PPP2R2A: variants seen among roughly 807,000 people sequenced by gnomAD.
The protein encoded by PPP2R2A is serine/threonine-protein phosphatase 2A 55 kDa regulatory subunit B alpha isoform.
A neutral mutation model predicts 53.2 loss-of-function variants in PPP2R2A; 9 were observed. The ratio of observed to expected loss-of-function variants is 0.17; its 90% CI spans 0.10 to 0.30. PPP2R2A has a LOEUF of 0.30. Ranked by LOEUF, PPP2R2A falls within the 10% of genes least tolerant of loss-of-function variation. PPP2R2A has a pLI of 1.00. For synonymous variants in PPP2R2A, 169 were observed against 174.2 expected, an observed-to-expected ratio of 0.97 and a Z score of 0.23; for missense variants, 235 against 534.6, an observed-to-expected ratio of 0.44 and a Z score of 5.53.
chr8:26,350,597 A>G (rs1804447400), intron 3 of PPP2R2A: 1 of 151,430 alleles, frequency 6.6e-6, no homozygotes, highest in African/African-American at 2.4e-5. Flanking sequence ...TTTTTTTGGT[A>G]GGGATGGTCT....
intron 3 of PPP2R2A, among the ~76,000 whole-genome samples, chr8:26,345,536 G>A (rs556032354): frequency 6.6e-6 from 1 of 152,128 alleles, no homozygotes; most frequent in Non-Finnish European, 1.5e-5. Context: ...CTCACATACT[G>A]TATAGTGAAT....
intron 2 of PPP2R2A, among the ~76,000 whole-genome samples, chr8:26,314,466 TC>T (rs147268031): frequency 0.039 from 5,981 of 152,180 alleles, 178 homozygotes; most frequent in South Asian, 0.12. Flanking sequence ...CACATCTTTT[TC>T]TTTCTTGTTT....
At chr8:26,313,270 G>C (rs1373490376) in intron 2 of PPP2R2A, among the ~76,000 whole-genome samples, 3 of 151,994 alleles carry the variant, frequency 2.0e-5, no homozygotes, top group Admixed American at 2.0e-4. Context: ...CCTGACCTCA[G>C]GTGGTTTGCC....
rs575372384 is a variant in PPP2R2A at position 26,371,647 on chromosome 8, T to A, written c.*1234T>A. On this transcript the variant is annotated 3_prime_UTR_variant, in exon 10 of 10. Coordinates refer to ENST00000380737, the MANE Select transcript of PPP2R2A (RefSeq NM_002717.4). ...GTATTTTACTGCTATCAAATCAGAA[T>A]GAAATATACTTTACCATAGATATTT... 6.6e-6 allele frequency: 1 copy of A among 152,346 alleles called. No homozygotes were observed. The highest frequency in any genetic ancestry group is 2.4e-5 in the African/African-American group (1 of 41,592). The allele number at this position is 152,346 out of a possible 1,614,324, so 9.4% of individuals were successfully genotyped here.
intron 2 of PPP2R2A, among the ~76,000 whole-genome samples, chr8:26,298,322 G>A (rs1175396287): frequency 6.6e-6 from 1 of 152,194 alleles, no homozygotes; most frequent in African/African-American, 2.4e-5. Flanking sequence ...CATCTCCTAA[G>A]AGCAGTTGTT....
intron 2 of PPP2R2A, among the ~76,000 whole-genome samples, chr8:26,297,426 A>G (rs1801591456): frequency 1.3e-5 from 2 of 152,210 alleles, no homozygotes; most frequent in Admixed American, 1.3e-4. Context: ...ACTGGTAATT[A>G]ATACTACTGG....
intron 3 of PPP2R2A, among the ~76,000 whole-genome samples, chr8:26,352,826 T>C (rs1585395791): frequency 6.6e-6 from 1 of 152,210 alleles, no homozygotes; most frequent in Non-Finnish European, 1.5e-5. Flanking sequence ...TGGCTCGCCC[T>C]TGGCCCTTCA....
At chr8:26,327,710 C>G (rs538348276) in intron 2 of PPP2R2A, among the ~76,000 whole-genome samples, 11 of 152,220 alleles carry the variant, frequency 7.2e-5, no homozygotes, top group Admixed American at 5.2e-4. Flanking sequence ...GATGTATTAT[C>G]CAGTAAAATG....
chr8:26,320,994 AACAG>A (rs1223745137), intron 2 of PPP2R2A, among the ~76,000 whole-genome samples: 2 of 152,228 alleles, frequency 1.3e-5, no homozygotes, highest in Non-Finnish European at 2.9e-5. Flanking sequence ...CATGTGTTAA[AACAG>A]ACAGATGACA....
rs778789406 is a variant in PPP2R2A, at chr8:26,366,343, G to C, written c.1001G>C (p.Cys334Ser). 2.5e-6 allele frequency: 4 copies of C among 1,604,886 alleles called. No individual in the cohort carries two copies. Among genetic ancestry groups the C allele is most frequent in the Non-Finnish European group, 2.5e-6 (3 of 1,177,012 alleles). Residue 334 changes from cysteine to serine, a missense_variant, in exon 9 of 10, where the codon TGT (cysteine) becomes TCT (serine). Cys to Ser is a moderately radical substitution (Grantham distance 112, BLOSUM62 -1). Coordinates refer to ENST00000380737, the MANE Select transcript of PPP2R2A (RefSeq NM_002717.4). ...QVHEYLRSKL[C>S]SLYENDCIFD... Reference sequence around the variant, plus strand: ...CATGAATACCTCAGAAGTAAACTCTGTTCACTGTATGAAAATGACTGCATA... The same window carrying C: ...CATGAATACCTCAGAAGTAAACTCTCTTCACTGTATGAAAATGACTGCATA...
intron 3 of PPP2R2A, among the ~76,000 whole-genome samples, chr8:26,349,700 G>A (rs1437836811): frequency 1.3e-5 from 2 of 152,100 alleles, no homozygotes; most frequent in South Asian, 2.1e-4. Context: ...AACTTCCTAC[G>A]CTTCCACAAA....
intron 2 of PPP2R2A, among the ~76,000 whole-genome samples, chr8:26,319,772 A>C (rs1329231615): frequency 6.6e-6 from 1 of 152,176 alleles, no homozygotes; most frequent in African/African-American, 2.4e-5. Context: ...TTTGTTAGGA[A>C]TTAAATCTTC....
rs774084532 is a variant in PPP2R2A, at chr8:26,338,990, A to G, written c.180+3A>G. On this transcript the variant is annotated splice_donor_region_variant and intron_variant, in intron 3 of 9. Transcript: ENST00000380737. This position sits in a 1 kb window ranked among gnomAD's most constrained non-coding sequence, Gnocchi z 4.5. Reference sequence around the variant, plus strand: ...TCATCTTTCAACAGGAGCAGGAGGTAAGTGTTTAAAGTTTATTGTCTAAAT... The same window carrying G: ...TCATCTTTCAACAGGAGCAGGAGGTGAGTGTTTAAAGTTTATTGTCTAAAT... 1.1e-4 allele frequency: 170 copies of G among 1,582,798 alleles called. No individual in the cohort carries two copies. Among genetic ancestry groups the G allele is most frequent in the Non-Finnish European group, 1.4e-4 (165 of 1,153,230 alleles).
intron 8 of PPP2R2A, among the ~76,000 whole-genome samples, chr8:26,364,922 T>G (rs1334353886): frequency 6.6e-6 from 1 of 152,174 alleles, no homozygotes; most frequent in Non-Finnish European, 1.5e-5. Context: ...AACTGCAGAT[T>G]TGGGTATACC....
rs544735639 is a variant in PPP2R2A at position 26,333,228 on chromosome 8, A to G, written c.83-5662A>G. 1.5e-3 allele frequency among the ~76,000 whole-genome samples: 223 copies of G among 152,338 alleles called. 2 individuals are homozygous for G. Among genetic ancestry groups the G allele is most frequent in the African/African-American group, 4.3e-3 (180 of 41,580 alleles). ...TAAATGTTTCCAGTCTGTGCCGTCT[A>G]TTCAACTCATGGGCATGGCTAAGTT... On this transcript the variant is annotated intron_variant, in intron 2 of 9. Coordinates refer to ENST00000380737, the MANE Select transcript of PPP2R2A (RefSeq NM_002717.4).
At chr8:26,313,547 T>C (rs1199331586) in intron 2 of PPP2R2A, among the ~76,000 whole-genome samples, 1 of 152,170 alleles carries the variant, frequency 6.6e-6, no homozygotes, top group East Asian at 1.9e-4. Context: ...CGTCCTAATC[T>C]CTGGAACCTG....
At position 26,345,473 on chromosome 8, in the gene PPP2R2A, G is replaced by A. The variant is rs539397846; in HGVS notation, c.180+6486G>A. 5.9e-5 allele frequency among the ~76,000 whole-genome samples: 9 copies of A among 152,168 alleles called. No individual in the cohort carries two copies. In the South Asian group the frequency reaches 1.7e-3, roughly 28 times the overall value. The stretch of plus-strand genomic sequence containing the variant: ...ATAAGAACTTTTGGTATATACCAAA[G>A]GCCTGTCTTTCTGAATATCTGATTA... On this transcript the variant is annotated intron_variant, in intron 3 of 9. Transcript: ENST00000380737.
intron 2 of PPP2R2A, among the ~76,000 whole-genome samples, chr8:26,300,050 A>G (rs1467245313): frequency 6.6e-6 from 1 of 152,198 alleles, no homozygotes; most frequent in Non-Finnish European, 1.5e-5. Flanking sequence ...AATACCATGA[A>G]TGATAGTATC....
intron 2 of PPP2R2A, among the ~76,000 whole-genome samples, chr8:26,307,745 T>G (rs76393155): frequency 0.015 from 2,344 of 152,344 alleles, 23 homozygotes; most frequent in Middle Eastern, 0.048. Context: ...ATAAGTGCTT[T>G]ATATGCATTA....
Sources: allele counts gnomAD v4.1 joint callset (sites outside exome capture counted in the v4.1 genomes callset), GRCh38; gene constraint gnomAD v4.1.1; non-coding constraint Gnocchi (gnomAD v3.1); transcripts MANE v1.5; gene names NCBI Gene and HGNC (gene_info 2026-07-23, HGNC 2026-07-21).